Variants in ENTPD1 observed in about 807,000 individuals in gnomAD.
ENTPD1 encodes ectonucleoside triphosphate diphosphohydrolase 1.
In ENTPD1, 33 loss-of-function variants were observed where a neutral mutation model predicts 57.0. The observed-to-expected ratio is 0.58, with a 90% CI of 0.44 to 0.77. The LOEUF (loss-of-function observed/expected upper bound fraction) is 0.77. ENTPD1 is among the 30% of genes least tolerant of loss of function. The pLI, the probability that ENTPD1 is intolerant of heterozygous loss-of-function variation, is 0.00. For missense variants in ENTPD1, 501 were observed against 603.4 expected, an observed-to-expected ratio of 0.83 and a Z score of 1.78; for synonymous variants, 202 against 218.8, an observed-to-expected ratio of 0.92 and a Z score of 0.68.
At chr10:95,722,526 C>T (rs982992054) in intron 1 of ENTPD1, among the ~76,000 whole-genome samples, 1 of 152,002 alleles carries the variant, frequency 6.6e-6, no homozygotes, top group African/African-American at 2.4e-5. Flanking sequence ...AATCATCATT[C>T]TCAGTAAACT....
upstream of ENTPD1, among the ~76,000 whole-genome samples, chr10:95,708,749 A>T (rs925787223): frequency 6.6e-6 from 1 of 152,262 alleles, no homozygotes; most frequent in African/African-American, 2.4e-5. Context: ...ACAGAACAGT[A>T]CACAGAGCAT....
At chr10:95,742,041 T>A (rs1003969028) in intron 1 of ENTPD1, among the ~76,000 whole-genome samples, 6 of 152,088 alleles carry the variant, frequency 3.9e-5, no homozygotes, top group Admixed American at 2.6e-4. Context: ...TCTGGTATTG[T>A]GGGATATTAT....
At chr10:95,746,643 C>A (rs11188465) in intron 1 of ENTPD1, among the ~76,000 whole-genome samples, 1 of 151,828 alleles carries the variant, frequency 6.6e-6, no homozygotes, top group Non-Finnish European at 1.5e-5. Flanking sequence ...CAAGAAGGGA[C>A]GGGGCATTTT....
At chr10:95,854,580 A>G (rs1204761953) in intron 7 of ENTPD1, among the ~76,000 whole-genome samples, 5 of 151,828 alleles carry the variant, frequency 3.3e-5, no homozygotes, top group Admixed American at 3.3e-4. Context: ...AGTGCCATAA[A>G]TTTCCCTCTA....
At chr10:95,787,130 A>G (rs1455174756) in intron 1 of ENTPD1, among the ~76,000 whole-genome samples, 2 of 152,208 alleles carry the variant, frequency 1.3e-5, no homozygotes. Flanking sequence ...GTGCTGGGCC[A>G]TGGTCTTTGC....
At chr10:95,738,798 C>A (rs2139869588) in intron 1 of ENTPD1, among the ~76,000 whole-genome samples, 1 of 152,288 alleles carries the variant, frequency 6.6e-6, no homozygotes, top group Admixed American at 6.5e-5. Context: ...AGCACATAGG[C>A]ACACTCTGGT....
At chr10:95,842,147 A>C (rs1453612021) in intron 3 of ENTPD1, among the ~76,000 whole-genome samples, 197 bp from the exon 4 acceptor site, 1 of 152,184 alleles carries the variant, frequency 6.6e-6, no homozygotes, top group Non-Finnish European at 1.5e-5. Flanking sequence ...AACAGACCCA[A>C]CTTAAAGTCT....
At chr10:95,808,732 T>A (rs2140409798) in intron 1 of ENTPD1, among the ~76,000 whole-genome samples, 1 of 151,968 alleles carries the variant, frequency 6.6e-6, no homozygotes, top group East Asian at 1.9e-4. Context: ...TTTTTTTTTT[T>A]TAATAATTTT....
Position 95,873,700 on chromosome 10 carries a change from T to A in ENTPD1, c.*7317T>A, listed in dbSNP as rs1478284097. The A allele has an allele frequency of 1.0e-6, 1 of 984,472 alleles. No individual in the cohort carries two copies. The highest frequency in any genetic ancestry group is 1.2e-6 in the Non-Finnish European group (1 of 829,192). 61.0% of individuals were successfully genotyped at this position (984,472 alleles called of 1,614,324 possible). A position where few individuals can be genotyped will look rare whatever the true frequency, so the allele number is the denominator to read the frequency against. Reference sequence around the variant, plus strand: ...TTAGATTGGTTTTTAAAAACTATGATTGTATTAGTTCGTTTCCATGCTGCT... The same window carrying A: ...TTAGATTGGTTTTTAAAAACTATGAATGTATTAGTTCGTTTCCATGCTGCT... On this transcript the variant is annotated 3_prime_UTR_variant, in exon 10 of 10. Coordinates refer to ENST00000371205, the MANE Select transcript of ENTPD1 (RefSeq NM_001776.6).
intron 2 of ENTPD1, among the ~76,000 whole-genome samples, chr10:95,826,099 G>A (rs1456149656): frequency 1.3e-5 from 2 of 152,138 alleles, no homozygotes; most frequent in Non-Finnish European, 2.9e-5. Flanking sequence ...ATATAGATAT[G>A]ACTGAGCTTA....
At chr10:95,731,392 A>G (rs144237126) in intron 1 of ENTPD1, among the ~76,000 whole-genome samples, 70 of 152,176 alleles carry the variant, frequency 4.6e-4, no homozygotes, top group African/African-American at 1.4e-3. Context: ...TTAACTGAAG[A>G]TGTAGCCGAC....
At chr10:95,790,688 T>C (rs2098200329) in intron 1 of ENTPD1, among the ~76,000 whole-genome samples, 1 of 152,202 alleles carries the variant, frequency 6.6e-6, no homozygotes, top group African/African-American at 2.4e-5. Flanking sequence ...TCAAATATTA[T>C]ATCATTTTAC....
At chr10:95,834,992 G>GGA (rs1291098063) in intron 2 of ENTPD1, among the ~76,000 whole-genome samples, 1 of 152,108 alleles carries the variant, frequency 6.6e-6, no homozygotes, top group Non-Finnish European at 1.5e-5. Flanking sequence ...TTTGTTTCAT[G>GGA]GGTATATTGC....
chr10:95,836,918 AGCAAACAAT>A (rs2098411198), intron 2 of ENTPD1, among the ~76,000 whole-genome samples: 2 of 152,234 alleles, frequency 1.3e-5, no homozygotes, highest in Admixed American at 1.3e-4. Context: ...TCTCTCAAGC[AGCAAACAAT>A]GCCAGTTTTT....
chr10:95,708,758 A>G (rs1457816032), upstream of ENTPD1, among the ~76,000 whole-genome samples: 2 of 152,248 alleles, frequency 1.3e-5, no homozygotes, highest in Non-Finnish European at 2.9e-5. Flanking sequence ...TACACAGAGC[A>G]TACTATCATT....
chr10:95,767,723 ACTT>A (rs2098095387), intron 1 of ENTPD1, among the ~76,000 whole-genome samples: 1 of 152,094 alleles, frequency 6.6e-6, no homozygotes, highest in Non-Finnish European at 1.5e-5. Flanking sequence ...AAGAGAGACA[ACTT>A]CTCTTAAATA....
At chr10:95,702,436 T>C in the ENTPD1 span, among the ~76,000 whole-genome samples, 5 of 152,012 alleles carry the variant, frequency 3.3e-5, no homozygotes, top group Admixed American at 3.3e-4. Flanking sequence ...AGATTATTTG[T>C]TAAGATCTAG....
intron 1 of ENTPD1, among the ~76,000 whole-genome samples, chr10:95,720,166 AG>A (rs2097975934): frequency 6.6e-6 from 1 of 152,070 alleles, no homozygotes; most frequent in African/African-American, 2.4e-5. Context: ...CTCGGGTGTA[AG>A]GGGGTACTGC....
chr10:95,803,370 T>C (rs922113575), intron 1 of ENTPD1, among the ~76,000 whole-genome samples: 1 of 152,264 alleles, frequency 6.6e-6, no homozygotes, highest in Non-Finnish European at 1.5e-5. Context: ...TCAGCATCTG[T>C]CGTTTCCTGA....
Sources: allele counts gnomAD v4.1 joint callset (sites outside exome capture counted in the v4.1 genomes callset), GRCh38; gene constraint gnomAD v4.1.1; transcripts MANE v1.5; gene names NCBI Gene and HGNC (gene_info 2026-07-23, HGNC 2026-07-21).